The following ANLN variants were observed in gnomAD, a reference collection of about 807,000 sequenced individuals.
ANLN encodes anillin, actin binding protein, also known as anillin.
In ANLN, 59 loss-of-function variants were observed where a neutral mutation model predicts 135.1. The ratio of observed to expected loss-of-function variants is 0.44; its 90% CI spans 0.35 to 0.54. The LOEUF is 0.54. Among genes scored for constraint, ANLN ranks in the 20% least tolerant of loss-of-function variants. The pLI is 0.00. For missense variants in ANLN, 1,182 were observed against 1,340.0 expected (o/e 0.88, Z 1.84); for synonymous variants, 406 against 456.4 (o/e 0.89, Z 1.41).
rs180698348 is a variant in ANLN at position 36,410,280 on chromosome 7, T to A, written c.1097-234T>A. Among the ~76,000 whole-genome samples, 13,401 of 145,658 alleles carry A rather than the reference T, an allele frequency of 0.092. 684 individuals are homozygous for A. The highest frequency in any genetic ancestry group is 0.15 in the Admixed American group (2,213 of 14,714). On this transcript the variant is annotated intron_variant, in intron 5 of 23. Transcript: ENST00000265748. ...CTCTCCTCATTCTACCTTTTCAAAA[T>A]TTTTTTTTTTTTTTAAATAACTAAA...
Position 36,449,813 on chromosome 7 carries a change from G to A in ANLN, c.3227G>A (p.Cys1076Tyr). 1 of 1,613,862 alleles carries A rather than the reference G, an allele frequency of 6.2e-7. No homozygotes were observed. The highest frequency in any genetic ancestry group is 8.5e-7 in the Non-Finnish European group (1 of 1,179,896). ...GACCGAGAGACTCTTGTCAGCCAATGCAGGGACACACTCTGTGTTACCAAG... is the reference window on the plus strand; with the variant it reads ...GACCGAGAGACTCTTGTCAGCCAATACAGGGACACACTCTGTGTTACCAAG... ...EDDRETLVSQ[C>Y]RDTLCVTKNW... is the part of the protein sequence containing the mutation. Residue 1076 changes from cysteine (C) to tyrosine (Y), a missense_variant, in exon 23 of 24, where the codon TGC (cysteine) becomes TAC (tyrosine). Coordinates refer to ENST00000265748, the MANE Select transcript of ANLN (RefSeq NM_018685.5).
Position 36,406,533 on chromosome 7 carries a change from G to T in ANLN, c.840G>T (p.Ala280=). 1 of 1,523,240 alleles carries T rather than the reference G, an allele frequency of 6.6e-7. No homozygotes were observed. Among genetic ancestry groups the T allele is most frequent in the East Asian group, 2.3e-5 (1 of 43,924 alleles). The allele number at this position is 1,523,240 out of a possible 1,614,324, so 94.4% of individuals were successfully genotyped here. A position where few individuals can be genotyped will look rare whatever the true frequency, so the allele number is the denominator to read the frequency against. Reference sequence around the variant, plus strand: ...CCCTATCCTCAAGTGCTGATGATGCGTCTTTGGTTAATGCCTCAATTTCCA... The same window carrying T: ...CCCTATCCTCAAGTGCTGATGATGCTTCTTTGGTTAATGCCTCAATTTCCA... ...NKALSSSADD[A]SLVNASISSS... Residue 280 remains alanine (A), a synonymous_variant, in exon 4 of 24, where the codon GCG becomes GCT. Coordinates refer to ENST00000265748, the MANE Select transcript of ANLN (RefSeq NM_018685.5).
At chr7:36,390,466 A>T (rs546730483) in intron 1 of ANLN, 72 of 206,060 alleles carry the variant, frequency 3.5e-4, no homozygotes, top group Non-Finnish European at 6.5e-4. Flanking sequence ...AGGCAGTAGG[A>T]TGTGTGATTT....
At chr7:36,425,829 T>G in intron 18 of ANLN, 89 bp downstream of exon 18, 1 of 1,377,344 alleles carries the variant, frequency 7.3e-7, no homozygotes, top group Non-Finnish European at 1.0e-6. Flanking sequence ...TTCTGAACCT[T>G]GAGCACTGTG....
In ANLN at chr7:36,401,590, C is replaced by T. The variant is rs1022006306; in HGVS notation, c.487+2197C>T. Among the ~76,000 whole-genome samples the T allele has an allele frequency of 2.0e-4, 27 of 133,898 alleles. 2 individuals carry two copies. Among genetic ancestry groups the T allele is most frequent in the African/African-American group, 7.7e-4 (26 of 33,700 alleles). The allele number at this position is 133,898 out of a possible 152,430, so 87.8% of individuals were successfully genotyped here. ...CTGACCTCAGGTGATCCGCCTGCCG[C>T]GGCCTCCCAAAGTGCTGGGATTATA... On this transcript the variant is annotated intron_variant, in intron 3 of 23. Transcript: ENST00000265748.
chr7:36,419,024 T>C (rs552067583), intron 9 of ANLN, among the ~76,000 whole-genome samples: 3 of 152,246 alleles, frequency 2.0e-5, no homozygotes, highest in Non-Finnish European at 2.9e-5. Flanking sequence ...CCCAAAGTGC[T>C]GGGATTACCA....
In ANLN at chr7:36,420,234, A is replaced by G. The variant is rs1787817661; in HGVS notation, c.1935A>G (p.Pro645=). Residue 645 remains proline, a synonymous_variant, in exon 11 of 24, where the codon CCA becomes CCG. Coordinates refer to ENST00000265748, the MANE Select transcript of ANLN (RefSeq NM_018685.5). ...GCAGAAGTGATGAAAGTCCAAAACCAGGAAAATTCCAAAGAACTCGTGTCC... is the reference window on the plus strand; with the variant it reads ...GCAGAAGTGATGAAAGTCCAAAACCGGGAAAATTCCAAAGAACTCGTGTCC... ...DTSRSDESPK[P]GKFQRTRVPR... 1.9e-6 allele frequency: 3 copies of G among 1,614,004 alleles called. No homozygotes were observed. The highest frequency in any genetic ancestry group is 2.2e-5 in the East Asian group (1 of 44,878).
intron 1 of ANLN, 169 bp downstream of exon 1, chr7:36,390,213 T>G (rs1583581555): frequency 9.5e-7 from 1 of 1,051,632 alleles, no homozygotes; most frequent in Non-Finnish European, 1.4e-6. Context: ...CTGTGGTTGG[T>G]GGGTTCCTCT....
intron 1 of ANLN, among the ~76,000 whole-genome samples, chr7:36,391,170 T>G (rs1025035875): frequency 6.6e-6 from 1 of 152,238 alleles, no homozygotes; most frequent in Non-Finnish European, 1.5e-5. Flanking sequence ...TTTTTTCACC[T>G]TCCTTAAAGG....
intron 2 of ANLN, among the ~76,000 whole-genome samples, chr7:36,397,002 C>A (rs974622143): frequency 6.6e-6 from 1 of 152,112 alleles, no homozygotes; most frequent in South Asian, 2.1e-4. Context: ...AGGATTGATT[C>A]CCAGCCAGCA....
intron 3 of ANLN, among the ~76,000 whole-genome samples, chr7:36,401,776 A>G (rs1786963707): frequency 8.4e-6 from 1 of 118,446 alleles, no homozygotes. Flanking sequence ...AATAACAACA[A>G]CAACAAACAA....
chr7:36,424,050 A>G (rs1480014214), intron 15 of ANLN, 107 bp downstream of exon 15: 3 of 1,149,358 alleles, frequency 2.6e-6, no homozygotes, highest in East Asian at 5.1e-5. Flanking sequence ...CGCCTTATGC[A>G]CATTCTTTTT....
chr7:36,434,537 TTTC>T (rs1401550477), intron 20 of ANLN, among the ~76,000 whole-genome samples: 2 of 152,324 alleles, frequency 1.3e-5, no homozygotes, highest in East Asian at 3.9e-4. Flanking sequence ...CTAAGAATAT[TTTC>T]TTACATGTTT....
rs778746489 is a variant in ANLN, at chr7:36,421,903, C to T, written c.2210C>T (p.Ala737Val). The T allele has an allele frequency of 4.3e-6, 7 of 1,613,478 alleles. No individual in the cohort carries two copies. In the South Asian group the frequency reaches 7.7e-5, roughly 18 times the overall value. ...ATGCAACAGACAGTGATCTATCAAG[C>T]TAGCCAGGCTCTTAACTGCTGTGTT... ...INMQQTVIYQ[A>V]SQALNCCVDE... is the part of the protein sequence containing the mutation. Residue 737 changes from alanine to valine, a missense_variant, in exon 13 of 24, where the codon GCT becomes GTT. Ala to Val is a moderately conservative substitution (Grantham distance 64, BLOSUM62 0). Transcript: ENST00000265748.
At chr7:36,452,360 G>A in intron 23 of ANLN, 117 bp from the exon 24 acceptor site, 7 of 1,296,944 alleles carry the variant, frequency 5.4e-6, no homozygotes, top group Non-Finnish European at 5.4e-6. Flanking sequence ...CATAAAAGGT[G>A]GTTAAAGGTA....
chr7:36,447,203 A>G (rs369132592), intron 22 of ANLN, among the ~76,000 whole-genome samples: 2 of 152,206 alleles, frequency 1.3e-5, no homozygotes, highest in East Asian at 3.9e-4. Flanking sequence ...TTTCCTCACA[A>G]TTTCATGGAT....
At chr7:36,446,480 T>C (rs1417022495) in intron 22 of ANLN, among the ~76,000 whole-genome samples, 1 of 152,194 alleles carries the variant, frequency 6.6e-6, no homozygotes, top group Non-Finnish European at 1.5e-5. Context: ...TGGCATCTGC[T>C]TAGCTTCTGG....
At chr7:36,439,944 G>A (rs1453507028) in intron 21 of ANLN, among the ~76,000 whole-genome samples, 2 of 152,184 alleles carry the variant, frequency 1.3e-5, no homozygotes, top group South Asian at 2.1e-4. Flanking sequence ...AGGATTTTAA[G>A]CAGAGGAAAT....
chr7:36,397,521 AG>A (rs1786756594), intron 2 of ANLN, among the ~76,000 whole-genome samples: 1 of 152,256 alleles, frequency 6.6e-6, no homozygotes, highest in Admixed American at 6.5e-5. Flanking sequence ...ATGTTAAAGC[AG>A]GAACACTTTC....
Sources: gnomAD v4.1 joint callset for allele counts (sites outside exome capture counted in the v4.1 genomes callset) on GRCh38, gnomAD v4.1.1 for gene constraint, MANE v1.5 for transcripts, NCBI Gene and HGNC (gene_info 2026-07-23, HGNC 2026-07-21) for gene names.